The following FGGY variants were observed in gnomAD, a reference collection of about 807,000 sequenced individuals.
FGGY encodes FGGY carbohydrate kinase domain-containing protein.
FGGY carries 72 observed loss-of-function variants against 71.3 expected under a neutral mutation model. The observed-to-expected ratio is 1.01, with a 90% CI of 0.84 to 1.23. FGGY has a LOEUF of 1.23. Among genes scored for constraint, FGGY ranks in the 50% most tolerant of loss-of-function variants. The pLI is 0.00. For missense variants in FGGY, 668 were observed against 682.3 expected (o/e 0.98, Z 0.23); for synonymous variants, 251 against 250.3 (o/e 1.00, Z -0.02).
rs529677811 is a variant in FGGY at position 59,735,037 on chromosome 1, T to C, written c.1513-22894T>C. The stretch of plus-strand genomic sequence containing the variant: ...ATCTATCTGGTCATATCCAAAAACC[T>C]TAAAAGAATTTTTGTTCTTCTGAAT... On this transcript the variant is annotated intron_variant, in intron 14 of 15. Coordinates refer to ENST00000303721, the MANE Select transcript of FGGY (RefSeq NM_018291.5). Among the ~76,000 whole-genome samples the C allele has an allele frequency of 2.0e-5, 3 of 152,344 alleles. No individual in the cohort carries two copies. In the South Asian group the frequency reaches 6.2e-4, roughly 32 times the overall value.
intron 10 of FGGY, among the ~76,000 whole-genome samples, chr1:59,637,228 G>C (rs939379796): frequency 1.3e-5 from 2 of 152,108 alleles, no homozygotes; most frequent in African/African-American, 2.4e-5. Context: ...GAACTGAGTA[G>C]TGCTCTCATG....
In FGGY at chr1:59,660,304, G is replaced by C; in HGVS notation, c.1296+11G>C. On this transcript the variant is annotated intron_variant, in intron 12 of 15. Transcript: ENST00000303721. Reference sequence around the variant, plus strand: ...GTTCAAGCCATTGCTGTAAGATACTGTAATGCCATTTTTAAAGAGACTTAG... The same window carrying C: ...GTTCAAGCCATTGCTGTAAGATACTCTAATGCCATTTTTAAAGAGACTTAG... 6.2e-7 allele frequency: 1 copy of C among 1,610,150 alleles called. No individual in the cohort carries two copies. Among genetic ancestry groups the C allele is most frequent in the Non-Finnish European group, 8.5e-7 (1 of 1,178,192 alleles).
intron 4 of FGGY, among the ~76,000 whole-genome samples, chr1:59,359,078 A>G (rs2054898880): frequency 6.6e-6 from 1 of 152,262 alleles, no homozygotes; most frequent in South Asian, 2.1e-4. Context: ...ACCCCTGTCT[A>G]CAGATAAGAC....
chr1:59,708,095 CTAA>C (rs570782980), intron 14 of FGGY, among the ~76,000 whole-genome samples: 19 of 152,234 alleles, frequency 1.2e-4, no homozygotes, highest in African/African-American at 4.6e-4. Flanking sequence ...GTTTCTTAGT[CTAA>C]AACATGTCTG....
At chr1:59,687,743 C>T (rs2097556815) in intron 14 of FGGY, among the ~76,000 whole-genome samples, 2 of 151,926 alleles carry the variant, frequency 1.3e-5, no homozygotes, top group South Asian at 4.1e-4. Context: ...GCTGGGATTA[C>T]AGGCGTGAGC....
At position 59,658,946 on chromosome 1, in the gene FGGY, G is replaced by T. The variant is rs144738630; in HGVS notation, c.1222-1273G>T. On this transcript the variant is annotated intron_variant, in intron 11 of 15. Coordinates refer to ENST00000303721, the MANE Select transcript of FGGY (RefSeq NM_018291.5). ...GTCAAGAAAGATGGCTTCTGGCCAG[G>T]CGCAGTGGTTCACAACTGTAATCCC... is the stretch of plus-strand genomic sequence containing the variant. Among the ~76,000 whole-genome samples, 85 of 152,340 alleles carry T rather than the reference G, an allele frequency of 5.6e-4. 1 individual carries two copies. The highest frequency in any genetic ancestry group is 1.9e-3 in the African/African-American group (81 of 41,578).
Position 59,461,333 on chromosome 1 carries a change from C to A in FGGY, c.670+4257C>A, listed in dbSNP as rs993525810. Among the ~76,000 whole-genome samples, 20 of 152,076 alleles carry A rather than the reference C, an allele frequency of 1.3e-4. No homozygotes were observed. The East Asian group carries it at 3.9e-3, about 29-fold the overall frequency. On this transcript the variant is annotated intron_variant, in intron 6 of 15. Coordinates refer to ENST00000303721, the MANE Select transcript of FGGY (RefSeq NM_018291.5). ...AGAAAGGGTATCAGTGATTGAAGAT[C>A]AAATGAATGAAATAAAGCAAGAAGA...
At chr1:59,507,755 C>T (rs1460066810) in intron 6 of FGGY, among the ~76,000 whole-genome samples, 1 of 141,600 alleles carries the variant, frequency 7.1e-6, no homozygotes. Context: ...AGGCTGGTCT[C>T]AAACTCCTGA....
rs1195155231 is a variant in FGGY at position 59,742,656 on chromosome 1, T to G, written c.1513-15275T>G. Among the ~76,000 whole-genome samples the G allele has an allele frequency of 3.9e-5, 6 of 152,220 alleles. No individual in the cohort carries two copies. The East Asian group carries it at 1.2e-3, about 29-fold the overall frequency. ...AGCATATTAAAATCTGAACCCACCA[T>G]CTCCACCTCTGCCTGAAAAATTGGC... On this transcript the variant is annotated intron_variant, in intron 14 of 15. Coordinates refer to ENST00000303721, the MANE Select transcript of FGGY (RefSeq NM_018291.5).
At chr1:59,368,733 A>G (rs552912343) in intron 4 of FGGY, among the ~76,000 whole-genome samples, 1 of 152,348 alleles carries the variant, frequency 6.6e-6, no homozygotes, top group South Asian at 2.1e-4. Flanking sequence ...CTATGGGGGT[A>G]ATGTGCTGTT....
intron 5 of FGGY, among the ~76,000 whole-genome samples, chr1:59,388,250 G>A (rs2060303276): frequency 1.3e-5 from 2 of 152,082 alleles, no homozygotes; most frequent in Non-Finnish European, 2.9e-5. Flanking sequence ...CATGGCAGTG[G>A]GAAGCCATGC....
intron 7 of FGGY, among the ~76,000 whole-genome samples, chr1:59,551,513 T>G (rs2095607497): frequency 6.6e-6 from 1 of 152,190 alleles, no homozygotes; most frequent in African/African-American, 2.4e-5. Flanking sequence ...GCCAACTCCT[T>G]TTCTGTCAAG....
intron 7 of FGGY, among the ~76,000 whole-genome samples, chr1:59,547,377 A>G (rs1008830397): frequency 6.6e-6 from 1 of 152,166 alleles, no homozygotes; most frequent in Non-Finnish European, 1.5e-5. Flanking sequence ...TTGTCTAGGA[A>G]TAGTTGGAGT....
At chr1:59,466,292 G>C (rs1325208852) in intron 6 of FGGY, among the ~76,000 whole-genome samples, 1 of 152,076 alleles carries the variant, frequency 6.6e-6, no homozygotes. Context: ...TGGGAAAACT[G>C]GCTAGCCATA....
intron 5 of FGGY, among the ~76,000 whole-genome samples, chr1:59,430,011 G>A (rs973273500): frequency 2.0e-5 from 3 of 152,166 alleles, no homozygotes; most frequent in African/African-American, 7.2e-5. Context: ...GCTAAATGGT[G>A]CCTAAGTCAA....
intron 8 of FGGY, among the ~76,000 whole-genome samples, chr1:59,558,031 T>C (rs2095718615): frequency 6.6e-6 from 1 of 152,168 alleles, no homozygotes; most frequent in Non-Finnish European, 1.5e-5. Context: ...AGACATAGGC[T>C]CATACGCTGC....
chr1:59,595,776 T>C (rs981510189), intron 8 of FGGY, among the ~76,000 whole-genome samples: 3 of 152,186 alleles, frequency 2.0e-5, no homozygotes, highest in Non-Finnish European at 4.4e-5. Flanking sequence ...TATCATGTCA[T>C]ATATTTGACA....
At chr1:59,688,739 G>GT (rs2097565045) in intron 14 of FGGY, among the ~76,000 whole-genome samples, 1 of 126,498 alleles carries the variant, frequency 7.9e-6, no homozygotes, top group Non-Finnish European at 1.6e-5. Flanking sequence ...ATAAGACCAA[G>GT]TGTTTTTTAG....
intron 11 of FGGY, among the ~76,000 whole-genome samples, chr1:59,653,524 G>C (rs532149035): frequency 6.6e-6 from 1 of 152,026 alleles, no homozygotes; most frequent in Non-Finnish European, 1.5e-5. Flanking sequence ...TTCCAGGTGC[G>C]TCCGTCACCC....
Sources: gnomAD v4.1 joint callset for allele counts (sites outside exome capture counted in the v4.1 genomes callset) on GRCh38, gnomAD v4.1.1 for gene constraint, MANE v1.5 for transcripts, NCBI Gene and HGNC (gene_info 2026-07-23, HGNC 2026-07-21) for gene names.